Variants in LDHB observed in about 807,000 individuals in gnomAD.
LDHB encodes the protein L-lactate dehydrogenase B chain.
A neutral mutation model predicts 33.4 loss-of-function variants in LDHB; 18 were observed. The ratio of observed to expected loss-of-function variants is 0.54; its 90% CI spans 0.37 to 0.80. LDHB has a LOEUF of 0.80. Ranked by LOEUF, LDHB falls within the 30% of genes least tolerant of loss-of-function variation. LDHB has a pLI of 0.00. For missense variants in LDHB, 345 were observed against 407.9 expected, an observed-to-expected ratio of 0.85 and a Z score of 1.33; for synonymous variants, 121 against 140.6, an observed-to-expected ratio of 0.86 and a Z score of 0.98.
Position 21,654,986 on chromosome 12 carries a change from TG to T in LDHB, c.-6-310del, listed in dbSNP as rs1938800250. 1.3e-5 allele frequency among the ~76,000 whole-genome samples: 2 copies of T among 152,148 alleles called. 1 individual carries two copies. The highest frequency in any genetic ancestry group is 6.8e-3 in the Middle Eastern group (2 of 294). Reference sequence around the variant, plus strand: ...AAAAAAGAAAATTAGCTGGGCATGGTGGTGCAAGCCTGTAGTCCTAACTACT... The same window carrying T: ...AAAAAAGAAAATTAGCTGGGCATGGTGTGCAAGCCTGTAGTCCTAACTACT... On this transcript the variant is annotated intron_variant, in intron 1 of 7. Transcript: ENST00000350669.
intron 2 of LDHB, among the ~76,000 whole-genome samples, chr12:21,647,941 C>T (rs906512441): frequency 1.3e-5 from 2 of 152,050 alleles, no homozygotes; most frequent in Non-Finnish European, 2.9e-5. Context: ...AGTTGATCCA[C>T]CCGCCCCGGC....
chr12:21,644,048 T>A lies in LDHB; in HGVS notation c.308A>T (p.Glu103Val). 1 of 1,613,318 alleles carries A rather than the reference T, an allele frequency of 6.2e-7. No individual in the cohort carries two copies. Among genetic ancestry groups the A allele is most frequent in the Non-Finnish European group, 8.5e-7 (1 of 1,179,292 alleles). ...CACCAGATTGAGCCGACTCTCCCCTTCTTGCTGACGGACTCCTGCAGTTAC... is the reference window on the plus strand; with the variant it reads ...CACCAGATTGAGCCGACTCTCCCCTACTTGCTGACGGACTCCTGCAGTTAC... ...VVVTAGVRQQ[E>V]GESRLNLVQR... Residue 103 changes from glutamate to valine, a missense_variant, in exon 4 of 8, where the codon GAA becomes GTA. Transcript: ENST00000350669.
Position 21,654,524 on chromosome 12 carries a change from T to C in LDHB, c.129+19A>G. ...ACATGCTGAACTTCTCTATCATCTATGGTGTTCTTGAAATGTACCTTTCCC... is the reference window on the plus strand; with the variant it reads ...ACATGCTGAACTTCTCTATCATCTACGGTGTTCTTGAAATGTACCTTTCCC... On this transcript the variant is annotated intron_variant, in intron 2 of 7. Coordinates refer to ENST00000350669, the MANE Select transcript of LDHB (RefSeq NM_002300.8). 6.2e-7 allele frequency: 1 copy of C among 1,613,010 alleles called. No individual in the cohort carries two copies. The highest frequency in any genetic ancestry group is 8.5e-7 in the Non-Finnish European group (1 of 1,179,008).
At chr12:21,642,679 G>A (rs1938405960) in intron 4 of LDHB, among the ~76,000 whole-genome samples, 1 of 152,092 alleles carries the variant, frequency 6.6e-6, no homozygotes, top group Non-Finnish European at 1.5e-5. Context: ...GCGTGGCATA[G>A]CCTTAAAACC....
At chr12:21,644,669 C>A (rs535937642) in intron 3 of LDHB, among the ~76,000 whole-genome samples, 91 of 152,070 alleles carry the variant, frequency 6.0e-4, no homozygotes, top group African/African-American at 2.1e-3. Flanking sequence ...ATGGATATTG[C>A]GATTTGATGT....
intron 6 of LDHB, among the ~76,000 whole-genome samples, chr12:21,638,082 G>C (rs1938265228): frequency 6.6e-6 from 1 of 151,912 alleles, no homozygotes; most frequent in Non-Finnish European, 1.5e-5. Flanking sequence ...GTTGAGAGGT[G>C]GCAATTTGAA....
At chr12:21,653,116 A>G (rs1184010772) in intron 2 of LDHB, among the ~76,000 whole-genome samples, 1 of 152,212 alleles carries the variant, frequency 6.6e-6, no homozygotes, top group Non-Finnish European at 1.5e-5. Context: ...TCTTTCCTCA[A>G]GTCTTCGAGA....
Position 21,657,779 on chromosome 12 carries a change from G to GTA in LDHB, c.-37_-36dup. 1 of 152,462 alleles carries GTA rather than the reference G, an allele frequency of 6.6e-6. No homozygotes were observed. The highest frequency in any genetic ancestry group is 3.4e-3 in the Middle Eastern group (1 of 298). The allele number at this position is 152,462 out of a possible 1,614,324, so 9.4% of individuals were successfully genotyped here. The stretch of plus-strand genomic sequence containing the variant: ...GAGAGAGAAGGCTCTGGAGACCTCT[G>GTA]TAACAGTCGTGCGGAGAAGACAAAG... On this transcript the variant is annotated 5_prime_UTR_variant, in exon 1 of 8. Coordinates refer to ENST00000350669, the MANE Select transcript of LDHB (RefSeq NM_002300.8).
Position 21,635,633 on chromosome 12 carries a change from A to T in LDHB, c.914T>A (p.Ile305Asn). 6.2e-7 allele frequency: 1 copy of T among 1,613,714 alleles called. No individual in the cohort carries two copies. The change falls in exon 8 of 8, where the codon ATC (isoleucine) becomes AAC (asparagine). Residue 305 changes from isoleucine (I) to asparagine (N), a missense_variant. Coordinates refer to ENST00000350669, the MANE Select transcript of LDHB (RefSeq NM_002300.8). ...ILNARGLTSV[I>N]NQKLKDDEVA... Reference sequence around the variant, plus strand: ...CTCATCATCCTTTAGCTTCTGGTTGATAACGCTGGTTAATCCCCGGGCATT... The same window carrying T: ...CTCATCATCCTTTAGCTTCTGGTTGTTAACGCTGGTTAATCCCCGGGCATT...
At chr12:21,655,452 T>A (rs1368668697) in intron 1 of LDHB, among the ~76,000 whole-genome samples, 3 of 152,246 alleles carry the variant, frequency 2.0e-5, no homozygotes, top group Non-Finnish European at 4.4e-5. Flanking sequence ...TCTTGGAAGA[T>A]AGGGACTGAT....
Position 21,647,024 on chromosome 12 carries a change from C to T in LDHB, c.130-8G>A, listed in dbSNP as rs369064312. On this transcript the variant is annotated splice_polypyrimidine_tract_variant and splice_region_variant and intron_variant, in intron 2 of 7. Coordinates refer to ENST00000350669, the MANE Select transcript of LDHB (RefSeq NM_002300.8). The stretch of plus-strand genomic sequence containing the variant: ...AAGTTCATCAGCCAGAGACTGTAAA[C>T]GCAAAAACAGGCATTAGAACCCTAA... 201 of 1,585,324 alleles carry T rather than the reference C, an allele frequency of 1.3e-4. No homozygotes were observed. The highest frequency in any genetic ancestry group is 2.7e-4 in the East Asian group (12 of 44,720).
At chr12:21,640,830 GA>G (rs1278522409) in intron 5 of LDHB, among the ~76,000 whole-genome samples, 2 of 151,492 alleles carry the variant, frequency 1.3e-5, no homozygotes, top group Non-Finnish European at 2.9e-5. Context: ...AAAATGATGG[GA>G]CATGTTAAAA....
chr12:21,643,874 A>G, intron 4 of LDHB, 61 bp downstream of exon 4: 2 of 1,307,724 alleles, frequency 1.5e-6, no homozygotes. Flanking sequence ...CAAAACAATA[A>G]CAACAGAAAC....
Position 21,635,657 on chromosome 12 carries a change from T to C in LDHB, c.890A>G (p.Asn297Ser), listed in dbSNP as rs185741414. ...GATAACGCTGGTTAATCCCCGGGCA[T>C]TGAGGATACATGGAAGGCTCAGGAA... ...EVFLSLPCIL[N>S]ARGLTSVINQ... Residue 297 changes from asparagine to serine, a missense_variant, in exon 8 of 8, where the codon AAT becomes AGT. Coordinates refer to ENST00000350669, the MANE Select transcript of LDHB (RefSeq NM_002300.8). The C allele has an allele frequency of 1.7e-5, 27 of 1,613,806 alleles. No individual in the cohort carries two copies. The Admixed American group carries it at 2.5e-4, about 15-fold the overall frequency.
intron 5 of LDHB, among the ~76,000 whole-genome samples, chr12:21,640,061 G>C (rs984080023): frequency 1.3e-5 from 2 of 151,690 alleles, no homozygotes; most frequent in Non-Finnish European, 2.9e-5. Context: ...ACAGGTGGCA[G>C]AAATGAATTT....
intron 5 of LDHB, among the ~76,000 whole-genome samples, chr12:21,640,045 CT>C (rs1465779584): frequency 6.6e-6 from 1 of 151,764 alleles, no homozygotes; most frequent in Non-Finnish European, 1.5e-5. Flanking sequence ...GAAAATAGTC[CT>C]TTACACAGGT....
intron 1 of LDHB, among the ~76,000 whole-genome samples, chr12:21,656,740 A>G (rs1164409910): frequency 1.3e-5 from 2 of 152,198 alleles, no homozygotes; most frequent in African/African-American, 4.8e-5. Context: ...AATGGTCTGC[A>G]TGATATACAG....
At chr12:21,655,663 C>T (rs1168753029) in intron 1 of LDHB, among the ~76,000 whole-genome samples, 1 of 152,162 alleles carries the variant, frequency 6.6e-6, no homozygotes, top group African/African-American at 2.4e-5. Context: ...CAGGGGATCA[C>T]ATTAGGAGAC....
At chr12:21,657,029 C>T (rs1041154632) in intron 1 of LDHB, 7 of 151,790 alleles carry the variant, frequency 4.6e-5, no homozygotes, top group African/African-American at 1.7e-4. Context: ...CCATCTTTTC[C>T]TCAGGGCACC....
Sources: allele counts gnomAD v4.1 joint callset (sites outside exome capture counted in the v4.1 genomes callset), GRCh38; gene constraint gnomAD v4.1.1; transcripts MANE v1.5; gene names NCBI Gene and HGNC (gene_info 2026-07-23, HGNC 2026-07-21).